Variants in CTSA observed in about 807,000 individuals in gnomAD.
The protein encoded by CTSA is lysosomal protective protein.
CTSA carries 42 observed loss-of-function variants against 66.7 expected under a neutral mutation model. The observed-to-expected ratio is 0.63, with a 90% CI of 0.49 to 0.81. The LOEUF (loss-of-function observed/expected upper bound fraction) is 0.81. CTSA is among the 40% of genes least tolerant of loss of function. The pLI is 0.00. For synonymous variants in CTSA, 225 were observed against 248.6 expected, an observed-to-expected ratio of 0.91 and a Z score of 0.89; for missense variants, 525 against 610.9, an observed-to-expected ratio of 0.86 and a Z score of 1.48.
rs1247116676 is a variant in CTSA at position 45,891,482 on chromosome 20, C to T, written c.1-87C>T. On this transcript the variant is annotated intron_variant, in intron 1 of 14. Coordinates refer to ENST00000646241, the MANE Select transcript of CTSA (RefSeq NM_000308.4). This position sits in a 1 kb window ranked among gnomAD's most constrained non-coding sequence, Gnocchi z 4.6. ...CTGGCGCTGGGGCCGGGGCTTCCCT[C>T]GCGGAGGCGCCGCCAGCAACTCCCC... 1.3e-6 allele frequency: 2 copies of T among 1,547,148 alleles called. No homozygotes were observed. The highest frequency in any genetic ancestry group is 8.7e-7 in the Non-Finnish European group (1 of 1,146,374).
chr20:45,897,149 C>A, intron 12 of CTSA, 109 bp downstream of exon 12: 1 of 932,772 alleles, frequency 1.1e-6, no homozygotes, highest in Non-Finnish European at 1.7e-6. Flanking sequence ...AGCTGAAACT[C>A]CGAAAGGCGA....
chr20:45,894,681 C>G lies in CTSA; in HGVS notation c.809C>G (p.Ser270Cys). The change falls in exon 9 of 15, where the codon TCT becomes TGT. Residue 270 changes from serine to cysteine, a missense_variant. Ser to Cys is a moderately radical substitution (Grantham distance 112). This residue lies in a region of CTSA where 274 missense variants were observed against 321.1 expected (regional missense o/e 0.85). Coordinates refer to ENST00000646241, the MANE Select transcript of CTSA (RefSeq NM_000308.4). The stretch of plus-strand genomic sequence containing the variant: ...GAAGTGGCCCGCATCGTGGGCAACT[C>G]TGGCCTCAACATCTACAATCTCTAT... ...LQEVARIVGN[S>C]GLNIYNLYAP... 2 of 1,614,196 alleles carry G rather than the reference C, an allele frequency of 1.2e-6. No homozygotes were observed. Among genetic ancestry groups the G allele is most frequent in the Admixed American group, 3.3e-5 (2 of 60,018 alleles).
intron 7 of CTSA, 70 bp from the exon 8 acceptor site, chr20:45,893,918 G>T (rs935129084): frequency 2.2e-6 from 2 of 926,708 alleles, no homozygotes; most frequent in Admixed American, 3.4e-5. Flanking sequence ...GAGGTGGGGG[G>T]TATGCTCGCC....
At chr20:45,894,100 G>A (rs754739282) in intron 8 of CTSA, 28 bp downstream of exon 8, 12 of 1,456,726 alleles carry the variant, frequency 8.2e-6, no homozygotes, top group Non-Finnish European at 1.2e-5. Context: ...CTTTGCATGA[G>A]CTCTCCCATC....
rs2083139415 is a variant in CTSA, at chr20:45,898,534, C to T, written c.*84C>T. Reference sequence around the variant, plus strand: ...AGAGTCCTCTTCTAAGCAAAGTGCCCCTGCAGGCCGGGTTCTGCCGCCAGG... The same window carrying T: ...AGAGTCCTCTTCTAAGCAAAGTGCCTCTGCAGGCCGGGTTCTGCCGCCAGG... On this transcript the variant is annotated 3_prime_UTR_variant, in exon 15 of 15. Coordinates refer to ENST00000646241, the MANE Select transcript of CTSA (RefSeq NM_000308.4). The surrounding 1 kb of genome is among the most constrained non-coding windows in gnomAD (Gnocchi z 4.6). 1.0e-5 allele frequency: 14 copies of T among 1,364,800 alleles called. No individual in the cohort carries two copies. The highest frequency in any genetic ancestry group is 1.9e-5 in the Admixed American group (1 of 53,846). 84.5% of individuals were successfully genotyped at this position (1,364,800 alleles called of 1,614,324 possible).
chr20:45,892,046 G>C lies in CTSA; in HGVS notation c.306+19G>C. On this transcript the variant is annotated intron_variant, in intron 3 of 14. Coordinates refer to ENST00000646241, the MANE Select transcript of CTSA (RefSeq NM_000308.4). ...CTTCCTGGTGAGTGGACAGCAGGGG[G>C]AAAGCACAGTTCCCAAAGTAAAAGG... 6.3e-7 allele frequency: 1 copy of C among 1,599,406 alleles called. No individual in the cohort carries two copies. Among genetic ancestry groups the C allele is most frequent in the South Asian group, 1.1e-5 (1 of 90,796 alleles).
Position 45,898,473 on chromosome 20 carries a change from G to T in CTSA, c.*23G>T. 1 of 1,608,348 alleles carries T rather than the reference G, an allele frequency of 6.2e-7. No homozygotes were observed. Among genetic ancestry groups the T allele is most frequent in the Non-Finnish European group, 8.5e-7 (1 of 1,175,512 alleles). On this transcript the variant is annotated 3_prime_UTR_variant, in exon 15 of 15. Transcript: ENST00000646241. This position sits in a 1 kb window ranked among gnomAD's most constrained non-coding sequence, Gnocchi z 4.6. ...TGATGACCACAGCAACCAGCTCCAC[G>T]GCCTGATGCAGCCCCTCCCAGCCTC...
At chr20:45,893,008 G>A (rs1019314329) in intron 6 of CTSA, 128 bp downstream of exon 6, 2 of 1,166,858 alleles carry the variant, frequency 1.7e-6, no homozygotes, top group Non-Finnish European at 2.5e-6. Flanking sequence ...ACCACCGGCT[G>A]CCCTAGGTCT....
intron 6 of CTSA, 65 bp from the exon 7 acceptor site, chr20:45,893,155 G>A: frequency 7.2e-7 from 1 of 1,392,118 alleles, no homozygotes. Flanking sequence ...GGTCTGGGTG[G>A]TAGGGTGAGG....
rs776943361 is a variant in CTSA at position 45,895,093 on chromosome 20, C to G, written c.1048C>G (p.Leu350Val). Residue 350 changes from leucine (L) to valine (V), a missense_variant, in exon 11 of 15, where the codon CTC (leucine) becomes GTC (valine). Leu to Val is a conservative substitution (Grantham distance 32, BLOSUM62 1). Coordinates refer to ENST00000646241, the MANE Select transcript of CTSA (RefSeq NM_000308.4). The stretch of plus-strand genomic sequence containing the variant: ...CAACAACCCGTACGTGCGGAAGGCC[C>G]TCAACATCCCGGAGCAGCTGCCACA... ...YLNNPYVRKA[L>V]NIPEQLPQWD... 5 of 1,614,048 alleles carry G rather than the reference C, an allele frequency of 3.1e-6. No homozygotes were observed. The highest frequency in any genetic ancestry group is 2.7e-5 in the African/African-American group (2 of 74,934).
Position 45,898,184 on chromosome 20 carries a change from CT to C in CTSA, c.1359+76del. 2 of 1,521,012 alleles carry C rather than the reference CT, an allele frequency of 1.3e-6. No individual in the cohort carries two copies. The highest frequency in any genetic ancestry group is 4.6e-5 in the East Asian group (2 of 43,642). The allele number at this position is 1,521,012 out of a possible 1,614,324, so 94.2% of individuals were successfully genotyped here. On this transcript the variant is annotated intron_variant, in intron 14 of 14. Transcript: ENST00000646241. The surrounding 1 kb of genome is among the most constrained non-coding windows in gnomAD (Gnocchi z 4.6). ...GGACCCACCCGTCCTTTCCCTCTGG[CT>C]GCCTTTTAGGCTGGGTCATGGGTCA...
In CTSA at chr20:45,898,334, TG is replaced by T. The variant is rs1453667192; in HGVS notation, c.1360-29del. On this transcript the variant is annotated intron_variant, in intron 14 of 14. Coordinates refer to ENST00000646241, the MANE Select transcript of CTSA (RefSeq NM_000308.4). This position sits in a 1 kb window ranked among gnomAD's most constrained non-coding sequence, Gnocchi z 4.6. ...CAGTTATATGGGGAGGAGGGAATGG[TG>T]GGGTCAGGAGCTCACGAACATTGCT... The T allele has an allele frequency of 5.7e-6, 9 of 1,587,566 alleles. No individual in the cohort carries two copies. The highest frequency in any genetic ancestry group is 1.7e-5 in the Admixed American group (1 of 59,146).
At chr20:45,893,560 G>T in intron 7 of CTSA, 1 of 533,578 alleles carries the variant, frequency 1.9e-6, no homozygotes, top group Non-Finnish European at 3.4e-6. Context: ...TTAGCTCACT[G>T]CAACCTCCAC....
intron 12 of CTSA, chr20:45,897,500 A>G (rs1171212486): frequency 3.6e-6 from 2 of 551,502 alleles, no homozygotes; most frequent in African/African-American, 3.8e-5. Flanking sequence ...CAGGTTCTCC[A>G]TCTGTAAAAT....
rs1987156404 is a variant in CTSA at position 45,894,837 on chromosome 20, C to T, written c.884C>T (p.Thr295Ile). Reference sequence around the variant, plus strand: ...TCACATTGCAGGTATGAGAAGGACACTGTTGTGGTCCAGGATTTGGGCAAC... The same window carrying T: ...TCACATTGCAGGTATGAGAAGGACATTGTTGTGGTCCAGGATTTGGGCAAC... ...VPSHFRYEKD[T>I]VVVQDLGNIF... is the part of the protein sequence containing the mutation. Residue 295 changes from threonine to isoleucine, a missense_variant, in exon 10 of 15, where the codon ACT becomes ATT. Thr to Ile is a moderately conservative substitution (Grantham distance 89, BLOSUM62 -1). Around this residue, in one of 3 missense-constraint regions of CTSA, gnomAD observed 274 missense variants for 321.1 expected, o/e 0.85. Coordinates refer to ENST00000646241, the MANE Select transcript of CTSA (RefSeq NM_000308.4). The T allele has an allele frequency of 6.2e-7, 1 of 1,613,998 alleles. No homozygotes were observed. The highest frequency in any genetic ancestry group is 8.5e-7 in the Non-Finnish European group (1 of 1,180,032).
At position 45,891,689 on chromosome 20, in the gene CTSA, C is replaced by G; in HGVS notation, c.121C>G (p.Leu41Val). ...DQDEIQRLPG[L>V]AKQPSFRQYS... ...GGACGAGATCCAGCGCCTCCCCGGG[C>G]TGGCCAAGCAGCCGTCTTTCCGCCA... The change falls in exon 2 of 15, where the codon CTG becomes GTG. Residue 41 changes from leucine (L) to valine (V), a missense_variant. Around this residue, in one of 3 missense-constraint regions of CTSA, gnomAD observed 246 missense variants for 267.4 expected, o/e 0.92. Transcript: ENST00000646241. The surrounding 1 kb of genome is among the most constrained non-coding windows in gnomAD (Gnocchi z 4.6). The G allele has an allele frequency of 6.2e-7, 1 of 1,613,266 alleles. No homozygotes were observed. The highest frequency in any genetic ancestry group is 1.3e-5 in the African/African-American group (1 of 75,058).
intron 8 of CTSA, chr20:45,894,383 A>G: frequency 3.3e-6 from 2 of 611,384 alleles, no homozygotes; most frequent in Non-Finnish European, 5.8e-6. Context: ...CTCAAATGAG[A>G]TCATACTACC....
Position 45,891,864 on chromosome 20 carries a change from G to A in CTSA, c.195-52G>A. On this transcript the variant is annotated intron_variant, in intron 2 of 14. Coordinates refer to ENST00000646241, the MANE Select transcript of CTSA (RefSeq NM_000308.4). This position sits in a 1 kb window ranked among gnomAD's most constrained non-coding sequence, Gnocchi z 4.6. ...CTGAGGATGCCTGGGAGCCGGGAGG[G>A]CTGGAAAGGGCCCCTCCAACTGCGC... is the stretch of plus-strand genomic sequence containing the variant. 1 of 1,607,462 alleles carries A rather than the reference G, an allele frequency of 6.2e-7. No individual in the cohort carries two copies. Among genetic ancestry groups the A allele is most frequent in the Non-Finnish European group, 8.5e-7 (1 of 1,174,050 alleles).
chr20:45,897,812 G>T lies in CTSA; in HGVS notation c.1254+6G>T. The stretch of plus-strand genomic sequence containing the variant: ...TGGATTCCCTCAACCAGAAGGTAAG[G>T]TAGAGATTCCTGGCCCTGGGATAGG... On this transcript the variant is annotated splice_donor_region_variant and intron_variant, in intron 13 of 14. Transcript: ENST00000646241. The T allele has an allele frequency of 1.2e-6, 2 of 1,604,038 alleles. No individual in the cohort carries two copies. The highest frequency in any genetic ancestry group is 1.7e-6 in the Non-Finnish European group (2 of 1,170,854).
Sources: allele counts gnomAD v4.1 joint callset, GRCh38; gene constraint gnomAD v4.1.1; regional missense constraint gnomAD v4.1.1; non-coding constraint Gnocchi (gnomAD v3.1); transcripts MANE v1.5; gene names NCBI Gene and HGNC (gene_info 2026-07-23, HGNC 2026-07-21).